Variants in CAMK1D observed in about 807,000 individuals in gnomAD.
The protein encoded by CAMK1D is calcium/calmodulin dependent protein kinase ID.
A neutral mutation model predicts 47.7 loss-of-function variants in CAMK1D; 9 were observed. The ratio of observed to expected loss-of-function variants is 0.19; its 90% CI spans 0.11 to 0.33. The LOEUF is 0.33. Ranked by LOEUF, CAMK1D falls within the 10% of genes least tolerant of loss-of-function variation. The pLI, the probability that CAMK1D is intolerant of heterozygous loss-of-function variation, is 1.00. For synonymous variants in CAMK1D, 184 were observed against 184.9 expected, an observed-to-expected ratio of 0.99 and a Z score of 0.04; for missense variants, 291 against 488.7, an observed-to-expected ratio of 0.60 and a Z score of 3.81.
intron 3 of CAMK1D, among the ~76,000 whole-genome samples, chr10:12,672,949 TG>T (rs1414026197): frequency 6.9e-6 from 1 of 145,608 alleles, no homozygotes; most frequent in Non-Finnish European, 1.5e-5. Context: ...CAGGCTCTGA[TG>T]CAGTGGCACG....
At chr10:12,595,272 G>T (rs762402410) in intron 2 of CAMK1D, among the ~76,000 whole-genome samples, 9 of 138,760 alleles carry the variant, frequency 6.5e-5, no homozygotes, top group Non-Finnish European at 6.1e-5. Flanking sequence ...CACCTGGGAG[G>T]TGGAGGTTGC....
chr10:12,465,573 T>C (rs1485549646), intron 1 of CAMK1D, among the ~76,000 whole-genome samples: 6 of 152,240 alleles, frequency 3.9e-5, no homozygotes, highest in Non-Finnish European at 8.8e-5. Flanking sequence ...CAGGCTGGTT[T>C]TGAACTCCTG....
At chr10:12,631,090 G>A (rs1839366439) in intron 2 of CAMK1D, among the ~76,000 whole-genome samples, 1 of 151,388 alleles carries the variant, frequency 6.6e-6, no homozygotes, top group South Asian at 2.1e-4. Context: ...ATCTATGCAC[G>A]GCCATTCTCA....
chr10:12,625,218 C>T (rs901664813), intron 2 of CAMK1D, among the ~76,000 whole-genome samples: 1 of 148,930 alleles, frequency 6.7e-6, no homozygotes, highest in African/African-American at 2.5e-5. Flanking sequence ...TGCCTGTAAT[C>T]CCAGCTACTT....
intron 4 of CAMK1D, among the ~76,000 whole-genome samples, chr10:12,768,157 A>ACCAC (rs1390773724): frequency 1.3e-5 from 2 of 152,232 alleles, no homozygotes; most frequent in Admixed American, 6.5e-5. Context: ...ACAGGTGTAA[A>ACCAC]CCACCGTGCC....
intron 1 of CAMK1D, among the ~76,000 whole-genome samples, chr10:12,503,011 C>T (rs556412269): frequency 9.9e-5 from 15 of 151,604 alleles, no homozygotes; most frequent in South Asian, 6.2e-4. Context: ...TTCGCATGCA[C>T]GCGTGTATAT....
intron 1 of CAMK1D, among the ~76,000 whole-genome samples, chr10:12,412,835 C>T (rs1205576910): frequency 1.2e-4 from 19 of 152,038 alleles, no homozygotes; most frequent in Admixed American, 2.6e-4. Context: ...CTCTGCTTCT[C>T]TCAGATGAAT....
intron 1 of CAMK1D, among the ~76,000 whole-genome samples, chr10:12,368,886 C>T (rs372476763): frequency 1.2e-4 from 18 of 152,222 alleles, no homozygotes; most frequent in East Asian, 5.8e-4. Flanking sequence ...GGCGCGATTT[C>T]GGCTCACTGC....
At chr10:12,632,522 T>C (rs1457113796) in intron 2 of CAMK1D, among the ~76,000 whole-genome samples, 2 of 152,180 alleles carry the variant, frequency 1.3e-5, no homozygotes, top group African/African-American at 4.8e-5. Context: ...TTCAGCATCA[T>C]TGTCTGATTT....
chr10:12,769,506 C>T (rs753587824), intron 4 of CAMK1D, among the ~76,000 whole-genome samples, 167 bp from the exon 5 acceptor site: 4 of 152,162 alleles, frequency 2.6e-5, no homozygotes, highest in East Asian at 1.9e-4. Context: ...CTGTGCCGGG[C>T]GCTCTGCACT....
Position 12,833,530 on chromosome 10 carries a change from C to T in CAMK1D, c.*4643C>T, listed in dbSNP as rs1833454647. The T allele has an allele frequency of 6.6e-6, 1 of 152,266 alleles. No individual in the cohort carries two copies. The allele number at this position is 152,266 out of a possible 1,614,324, so 9.4% of individuals were successfully genotyped here. A position where few individuals can be genotyped will look rare whatever the true frequency, so the allele number is the denominator to read the frequency against. ...CCCAGAACCTTGGCCAGAATTGAGT[C>T]TTCGCGTTGGGGAGGCCACGCTGGA... On this transcript the variant is annotated 3_prime_UTR_variant, in exon 11 of 11. Transcript: ENST00000619168.
chr10:12,681,572 C>T (rs576291106), intron 3 of CAMK1D, among the ~76,000 whole-genome samples: 1 of 152,382 alleles, frequency 6.6e-6, no homozygotes, highest in Admixed American at 6.5e-5. Context: ...GCATTCTGCT[C>T]TCTTCTGCTG....
At chr10:12,685,966 C>G (rs1832644525) in intron 3 of CAMK1D, among the ~76,000 whole-genome samples, 1 of 152,292 alleles carries the variant, frequency 6.6e-6, no homozygotes, top group South Asian at 2.1e-4. Context: ...ACAGCTGCCC[C>G]CTCTGCTATG....
At chr10:12,810,141 C>G (rs55894613) in intron 6 of CAMK1D, among the ~76,000 whole-genome samples, 2 of 76,456 alleles carry the variant, frequency 2.6e-5, no homozygotes, top group African/African-American at 1.2e-4. Context: ...AGAGAGAGAC[C>G]CTGTCTCATT....
At chr10:12,799,151 C>G (rs1360487611) in intron 6 of CAMK1D, among the ~76,000 whole-genome samples, 3 of 152,164 alleles carry the variant, frequency 2.0e-5, no homozygotes, top group Admixed American at 2.0e-4. Flanking sequence ...TGATCAGAAG[C>G]CCACGACTCG....
intron 3 of CAMK1D, among the ~76,000 whole-genome samples, chr10:12,758,392 T>C (rs1238912989): frequency 6.6e-6 from 1 of 152,234 alleles, no homozygotes; most frequent in Non-Finnish European, 1.5e-5. Context: ...CATATTGTCA[T>C]ATTTCTTTAT....
At chr10:12,369,018 T>C (rs1416019857) in intron 1 of CAMK1D, among the ~76,000 whole-genome samples, 1 of 152,128 alleles carries the variant, frequency 6.6e-6, no homozygotes, top group Non-Finnish European at 1.5e-5. Context: ...GTTTTCACTA[T>C]GTTGACCAGA....
chr10:12,588,403 A>G (rs540435596), intron 2 of CAMK1D, among the ~76,000 whole-genome samples: 17 of 152,320 alleles, frequency 1.1e-4, no homozygotes, highest in Middle Eastern at 3.4e-3. Flanking sequence ...AGGCACACCC[A>G]TGAGAGTTTG....
intron 4 of CAMK1D, among the ~76,000 whole-genome samples, chr10:12,766,595 AAAT>A (rs1393196599): frequency 6.6e-6 from 1 of 152,082 alleles, no homozygotes; most frequent in Non-Finnish European, 1.5e-5. Flanking sequence ...TTAGAAAAAA[AAAT>A]AATAATTTAT....
Sources: gnomAD v4.1 joint callset for allele counts (sites outside exome capture counted in the v4.1 genomes callset) on GRCh38, gnomAD v4.1.1 for gene constraint, MANE v1.5 for transcripts, NCBI Gene and HGNC (gene_info 2026-07-23, HGNC 2026-07-21) for gene names.